The following ABR variants were observed in gnomAD, a reference collection of about 807,000 sequenced individuals.
ABR encodes active breakpoint cluster region-related protein.
ABR carries 35 observed loss-of-function variants against 107.2 expected under a neutral mutation model. That is an observed-to-expected ratio of 0.33 (90% CI 0.25 to 0.43). The LOEUF is 0.43. Ranked by LOEUF, ABR falls within the 20% of genes least tolerant of loss-of-function variation. The pLI, the probability that ABR is intolerant of heterozygous loss-of-function variation, is 1.00. For synonymous variants in ABR, 498 were observed against 462.0 expected (o/e 1.08, Z -1.00); for missense variants, 815 against 1,115.2 (o/e 0.73, Z 3.83).
At chr17:1,169,494 C>G (rs2041629566) in intron 1 of ABR, among the ~76,000 whole-genome samples, 1 of 152,218 alleles carries the variant, frequency 6.6e-6, no homozygotes, top group Admixed American at 6.5e-5. Context: ...GAATCCAGAG[C>G]TACAGAAGGG....
intron 9 of ABR, 131 bp from the exon 10 acceptor site, chr17:1,067,373 G>T: frequency 1.1e-6 from 1 of 871,770 alleles, no homozygotes; most frequent in Non-Finnish European, 1.7e-6. Context: ...AACGATCCCT[G>T]CTCCTGAGGA....
chr17:1,225,198 G>A (rs1416889540), intron 1 of ABR, among the ~76,000 whole-genome samples: 1 of 151,296 alleles, frequency 6.6e-6, no homozygotes, highest in Non-Finnish European at 1.5e-5. Context: ...GGGTCTCACT[G>A]TATCGCCCAG....
At chr17:1,086,919 CA>C (rs1480152557) in intron 4 of ABR, among the ~76,000 whole-genome samples, 1 of 151,764 alleles carries the variant, frequency 6.6e-6, no homozygotes, top group African/African-American at 2.4e-5. Flanking sequence ...CCAGCCTGGA[CA>C]ACATAGCAAG....
chr17:1,135,377 C>CTTTTTTTTTTTTT (rs71148437), intron 1 of ABR, among the ~76,000 whole-genome samples: 2 of 51,380 alleles, frequency 3.9e-5, no homozygotes, highest in Non-Finnish European at 5.8e-5. Context: ...TTCTTTTTGT[C>CTTTTTTTTTTTTT]TTTTTTTTTT....
At chr17:1,184,328 G>A (rs1048740334), upstream of ABR, among the ~76,000 whole-genome samples, 3 of 152,012 alleles carry the variant, frequency 2.0e-5, no homozygotes, top group African/African-American at 4.8e-5. Context: ...GGTGGCGGGC[G>A]CCTGTAGTCC....
Position 1,112,748 on chromosome 17 carries a change from C to T in ABR, c.247-12013G>A, listed in dbSNP as rs565336844. Reference sequence around the variant, plus strand: ...GGGCATAAGCACACACCACACCTAGCTACTGTTTGAAATCTTTCGCAGCCA... The same window carrying T: ...GGGCATAAGCACACACCACACCTAGTTACTGTTTGAAATCTTTCGCAGCCA... On this transcript the variant is annotated intron_variant, in intron 2 of 22. Transcript: ENST00000302538. Among the ~76,000 whole-genome samples the T allele has an allele frequency of 9.2e-5, 14 of 152,164 alleles. No homozygotes were observed. In the South Asian group the frequency reaches 2.9e-3, roughly 32 times the overall value.
At chr17:1,089,511 G>A (rs1001725491) in intron 4 of ABR, among the ~76,000 whole-genome samples, 1 of 152,232 alleles carries the variant, frequency 6.6e-6, no homozygotes, top group Non-Finnish European at 1.5e-5. Context: ...TCTAGAAGCT[G>A]TGCTGGAGAA....
intron 2 of ABR, among the ~76,000 whole-genome samples, chr17:1,110,001 A>G (rs543409053): frequency 1.9e-4 from 24 of 125,958 alleles, no homozygotes; most frequent in African/African-American, 6.4e-4. Flanking sequence ...TCCTCTGAGC[A>G]GCCTCCCACC....
Position 1,004,845 on chromosome 17 carries a change from C to T in ABR, c.*1235G>A, listed in dbSNP as rs908936643. On this transcript the variant is annotated 3_prime_UTR_variant, in exon 23 of 23. Transcript: ENST00000302538. Reference sequence around the variant, plus strand: ...CACCACAATGGCTGGCCACCGTGGGCCTGTGCCTTTGCTTCCCAGGTCCTG... The same window carrying T: ...CACCACAATGGCTGGCCACCGTGGGTCTGTGCCTTTGCTTCCCAGGTCCTG... The T allele has an allele frequency of 5.1e-6, 2 of 394,522 alleles. No individual in the cohort carries two copies. The highest frequency in any genetic ancestry group is 8.9e-5 in the Admixed American group (2 of 22,548). 24.4% of individuals were successfully genotyped at this position (394,522 alleles called of 1,614,324 possible).
At chr17:1,033,391 C>T (rs146705790) in intron 16 of ABR, among the ~76,000 whole-genome samples, 4 of 152,316 alleles carry the variant, frequency 2.6e-5, no homozygotes, top group Non-Finnish European at 4.4e-5. Context: ...CCAGCATCCC[C>T]GCTTTACCTC....
At chr17:1,079,207 TCACGCTCACA>T (rs1190842541) in intron 6 of ABR, 113 bp downstream of exon 6, 5 of 1,496,390 alleles carry the variant, frequency 3.3e-6, no homozygotes, top group Admixed American at 2.0e-5. Flanking sequence ...TCACACACGC[TCACGCTCACA>T]CGCGCTCACA....
chr17:1,117,066 A>G (rs374762331), intron 2 of ABR, among the ~76,000 whole-genome samples: 1 of 152,160 alleles, frequency 6.6e-6, no homozygotes, highest in Non-Finnish European at 1.5e-5. Context: ...AGACCAAGAA[A>G]GGGAAGAAGA....
chr17:1,148,390 TTCA>T lies in ABR; in HGVS notation c.62-23026_62-23024del, dbSNP rs1402685373. ...GGATGAGGTGCTTAGAGCAGTTAGA[TTCA>T]TCAAGTCAGAAAGTAGGAGGGTGGT... is the stretch of plus-strand genomic sequence containing the variant. On this transcript the variant is annotated intron_variant, in intron 1 of 22. Transcript: ENST00000302538. The surrounding 1 kb of genome is among the most constrained non-coding windows in gnomAD (Gnocchi z 4.9). Among the ~76,000 whole-genome samples, 1 of 152,100 alleles carries T rather than the reference TTCA, an allele frequency of 6.6e-6. No homozygotes were observed. The highest frequency in any genetic ancestry group is 2.4e-5 in the African/African-American group (1 of 41,404).
intron 4 of ABR, among the ~76,000 whole-genome samples, chr17:1,087,659 C>A (rs889236622): frequency 3.9e-5 from 6 of 152,126 alleles, no homozygotes; most frequent in Non-Finnish European, 8.8e-5. Context: ...CATCAATGCC[C>A]ACGCTACACG....
rs568060571 is a variant in ABR at position 1,078,490 on chromosome 17, C to T, written c.700+840G>A. ...CCTGGCCTCAGGGCTACTACGTCTG[C>T]GGGCACAGCTCGTCGCCGTCTCTCC... On this transcript the variant is annotated intron_variant, in intron 6 of 22. Coordinates refer to ENST00000302538, the MANE Select transcript of ABR (RefSeq NM_021962.5). This position sits in a 1 kb window ranked among gnomAD's most constrained non-coding sequence, Gnocchi z 7.5. Among the ~76,000 whole-genome samples, 12 of 152,244 alleles carry T rather than the reference C, an allele frequency of 7.9e-5. No individual in the cohort carries two copies. In the South Asian group the frequency reaches 8.3e-4, roughly 11 times the overall value.
At chr17:1,057,143 T>C in intron 12 of ABR, 41 bp from the exon 13 acceptor site, 3 of 1,395,076 alleles carry the variant, frequency 2.2e-6, no homozygotes, top group Non-Finnish European at 3.0e-6. Flanking sequence ...TGGGCACTGG[T>C]CCACCAGGAC....
intron 1 of ABR, among the ~76,000 whole-genome samples, chr17:1,144,795 G>C (rs942290484): frequency 6.6e-6 from 1 of 152,152 alleles, no homozygotes; most frequent in Non-Finnish European, 1.5e-5. Flanking sequence ...TTGGGAGGCC[G>C]GGGCGGGCAG....
intron 1 of ABR, among the ~76,000 whole-genome samples, chr17:1,193,272 C>G (rs578177425): frequency 6.7e-6 from 1 of 148,348 alleles, no homozygotes; most frequent in Non-Finnish European, 1.5e-5. Context: ...GGGACACCCC[C>G]TCCCCCTCAA....
At chr17:1,018,911 G>C (rs141168024) in intron 16 of ABR, among the ~76,000 whole-genome samples, 1 of 152,210 alleles carries the variant, frequency 6.6e-6, no homozygotes, top group African/African-American at 2.4e-5. Context: ...CTTAACGAGA[G>C]TGAGGAATTT....
Sources: gnomAD v4.1 joint callset for allele counts (sites outside exome capture counted in the v4.1 genomes callset) on GRCh38, gnomAD v4.1.1 for gene constraint, Gnocchi (gnomAD v3.1) non-coding constraint, MANE v1.5 for transcripts, NCBI Gene and HGNC (gene_info 2026-07-23, HGNC 2026-07-21) for gene names.